The following PDE4D variants were observed in gnomAD, a reference collection of about 807,000 sequenced individuals.
PDE4D encodes 3',5'-cyclic-AMP phosphodiesterase 4D.
In PDE4D, 24 loss-of-function variants were observed where a neutral mutation model predicts 87.4. The ratio of observed to expected loss-of-function variants is 0.27; its 90% CI spans 0.20 to 0.39. The LOEUF (loss-of-function observed/expected upper bound fraction) is 0.39, where lower values mean the gene tolerates loss of function less well. Ranked by LOEUF, PDE4D falls within the 10% of genes least tolerant of loss-of-function variation. PDE4D has a pLI of 1.00. For missense variants in PDE4D, 714 were observed against 1,041.0 expected, an observed-to-expected ratio of 0.69 and a Z score of 4.32; for synonymous variants, 384 against 383.2, an observed-to-expected ratio of 1.00 and a Z score of -0.02.
chr5:59,844,527 T>G (rs1743528154), intron 1 of PDE4D, among the ~76,000 whole-genome samples: 1 of 152,130 alleles, frequency 6.6e-6, no homozygotes, highest in Non-Finnish European at 1.5e-5. Flanking sequence ...TAGCAGTGCA[T>G]GATCTGGCCA....
intron 3 of PDE4D, among the ~76,000 whole-genome samples, chr5:59,930,448 G>A (rs1755790985): frequency 6.6e-6 from 1 of 152,140 alleles, no homozygotes. Context: ...GTTAAGGAAT[G>A]CCTGGAATCA....
intron 5 of PDE4D, among the ~76,000 whole-genome samples, chr5:59,172,423 T>C (rs1783157569): frequency 2.1e-5 from 3 of 145,600 alleles, no homozygotes; most frequent in South Asian, 4.2e-4. Context: ...GTCCAGGCTC[T>C]GTGGCTCATG....
At chr5:59,510,794 C>T (rs16889919) in intron 1 of PDE4D, among the ~76,000 whole-genome samples, 27,276 of 151,792 alleles carry the variant, frequency 0.18, 4,435 homozygotes, top group African/African-American at 0.44. Context: ...TTAAGTGAAG[C>T]AAAAGGAGCA....
intron 1 of PDE4D, among the ~76,000 whole-genome samples, chr5:59,881,065 T>C (rs1749360954): frequency 6.6e-6 from 1 of 152,164 alleles, no homozygotes; most frequent in South Asian, 2.1e-4. Flanking sequence ...TGATACATAC[T>C]CTTCTTCTTA....
At chr5:59,747,594 C>T (rs187455774) in intron 1 of PDE4D, among the ~76,000 whole-genome samples, 7 of 152,288 alleles carry the variant, frequency 4.6e-5, no homozygotes, top group Non-Finnish European at 1.0e-4. Flanking sequence ...CTTCTCTCTC[C>T]TCAAACCTCC....
intron 6 of PDE4D, among the ~76,000 whole-genome samples, chr5:59,025,620 T>G (rs1452162199): frequency 5.9e-5 from 9 of 152,270 alleles, no homozygotes; most frequent in Non-Finnish European, 1.5e-5. Flanking sequence ...TTTATAGATC[T>G]TCTCAAAATA....
At chr5:59,233,862 T>C (rs1247214512) in intron 1 of PDE4D, among the ~76,000 whole-genome samples, 4 of 152,164 alleles carry the variant, frequency 2.6e-5, no homozygotes, top group Non-Finnish European at 4.4e-5. Context: ...CTGGGAGGAA[T>C]AATGAAGCTC....
At chr5:60,430,534 TG>T (rs1561247558) in intron 1 of PDE4D, among the ~76,000 whole-genome samples, 50 of 116,388 alleles carry the variant, frequency 4.3e-4, no homozygotes, top group African/African-American at 2.1e-3. Flanking sequence ...GTTTGTGTTT[TG>T]TTTTTTTTTG....
At chr5:59,950,127 G>A (rs974524316) in intron 3 of PDE4D, among the ~76,000 whole-genome samples, 2 of 152,024 alleles carry the variant, frequency 1.3e-5, no homozygotes, top group Non-Finnish European at 2.9e-5. Flanking sequence ...TTACATTTTT[G>A]GTACTTCATG....
intron 1 of PDE4D, among the ~76,000 whole-genome samples, chr5:59,472,774 A>C (rs989694175): frequency 1.3e-5 from 2 of 152,156 alleles, no homozygotes; most frequent in African/African-American, 4.8e-5. Context: ...AGCCTAATTA[A>C]AGAGCTAATA....
intron 11 of PDE4D, among the ~76,000 whole-genome samples, chr5:58,978,378 T>C (rs1195574512): frequency 6.6e-6 from 1 of 151,996 alleles, no homozygotes; most frequent in Non-Finnish European, 1.5e-5. Context: ...ATCGTGCCAC[T>C]GCACTCCAAA....
intron 2 of PDE4D, among the ~76,000 whole-genome samples, chr5:60,112,814 A>G (rs901926225): frequency 1.3e-5 from 2 of 152,074 alleles, no homozygotes; most frequent in African/African-American, 4.8e-5. Context: ...ACAGAGGAGA[A>G]TGGCTCTGGG....
intron 1 of PDE4D, among the ~76,000 whole-genome samples, chr5:59,767,944 T>A (rs761815803): frequency 1.6e-4 from 24 of 152,292 alleles, no homozygotes; most frequent in Admixed American, 6.5e-4. Flanking sequence ...CGCCACTACG[T>A]ACGTATGGGA....
intron 1 of PDE4D, among the ~76,000 whole-genome samples, chr5:60,473,831 T>C (rs1157431846): frequency 6.6e-6 from 1 of 151,716 alleles, no homozygotes; most frequent in African/African-American, 2.4e-5. Context: ...CCCTCCCCAC[T>C]GTTTGATGTA....
chr5:59,891,492 A>C (rs938686611), intron 1 of PDE4D, among the ~76,000 whole-genome samples: 1 of 152,190 alleles, frequency 6.6e-6, no homozygotes, highest in African/African-American at 2.4e-5. Flanking sequence ...CAAAGGGGAG[A>C]GAGAAGGACA....
intron 1 of PDE4D, among the ~76,000 whole-genome samples, chr5:60,356,548 T>A (rs1382458590): frequency 6.6e-6 from 1 of 152,168 alleles, no homozygotes; most frequent in African/African-American, 2.4e-5. Context: ...AATATCTACC[T>A]ATGATTAAAA....
chr5:59,805,364 C>T (rs1767619984), intron 1 of PDE4D, among the ~76,000 whole-genome samples: 1 of 152,170 alleles, frequency 6.6e-6, no homozygotes, highest in South Asian at 2.1e-4. Flanking sequence ...GGAAACAGTT[C>T]TTTCTTAAAT....
intron 2 of PDE4D, among the ~76,000 whole-genome samples, chr5:60,137,102 C>T (rs1780121877): frequency 6.6e-6 from 1 of 152,130 alleles, no homozygotes; most frequent in African/African-American, 2.4e-5. Context: ...AGGATAGTGG[C>T]CTCCAGCCCT....
At chr5:60,241,106 T>A (rs1747057508) in intron 1 of PDE4D, among the ~76,000 whole-genome samples, 1 of 151,834 alleles carries the variant, frequency 6.6e-6, no homozygotes. Flanking sequence ...CTGTTTTGAG[T>A]CAACCCAAAG....
Sources: allele counts gnomAD v4.1 joint callset (sites outside exome capture counted in the v4.1 genomes callset), GRCh38; gene constraint gnomAD v4.1.1; transcripts MANE v1.5; gene names NCBI Gene and HGNC (gene_info 2026-07-23, HGNC 2026-07-21).